Variants in STAG1 observed in about 807,000 individuals in gnomAD.
STAG1 encodes the protein STAG1 cohesin complex component.
STAG1 carries 26 observed loss-of-function variants against 170.9 expected under a neutral mutation model. The ratio of observed to expected loss-of-function variants is 0.15; its 90% CI spans 0.11 to 0.21. The LOEUF is 0.21. Among genes scored for constraint, STAG1 ranks in the 10% least tolerant of loss-of-function variants. The probability of loss-of-function intolerance (pLI) is 1.00; values close to 1 mark genes in which losing one functional copy is unlikely to be tolerated. For synonymous variants in STAG1, 514 were observed against 497.7 expected (o/e 1.03, Z -0.44); for missense variants, 964 against 1,509.5 (o/e 0.64, Z 5.99).
intron 5 of STAG1, among the ~76,000 whole-genome samples, chr3:136,555,128 CAT>C (rs918453021): frequency 1.4e-4 from 20 of 147,268 alleles, no homozygotes; most frequent in Admixed American, 6.8e-5. Context: ...ATATAAATAA[CAT>C]ATATGGAATA....
chr3:136,464,807 T>C (rs2089405249), intron 13 of STAG1, 74 bp downstream of exon 13: 2 of 1,276,022 alleles, frequency 1.6e-6, no homozygotes, highest in Non-Finnish European at 2.2e-6. Flanking sequence ...ACTATTACTC[T>C]CTTCTACAAA....
intron 1 of STAG1, among the ~76,000 whole-genome samples, chr3:136,676,830 C>CT (rs1327700297): frequency 6.6e-6 from 1 of 151,700 alleles, no homozygotes; most frequent in Non-Finnish European, 1.5e-5. Flanking sequence ...ATTTTTTAAA[C>CT]TTTTTTTAAG....
chr3:136,597,745 C>G (rs935890884), intron 4 of STAG1, among the ~76,000 whole-genome samples: 1 of 151,784 alleles, frequency 6.6e-6, no homozygotes, highest in Non-Finnish European at 1.5e-5. Flanking sequence ...TATCCTCTTC[C>G]AATAGGGATA....
intron 1 of STAG1, among the ~76,000 whole-genome samples, chr3:136,691,675 C>CA (rs1271580099): frequency 6.6e-6 from 1 of 152,166 alleles, no homozygotes; most frequent in Non-Finnish European, 1.5e-5. Context: ...AGTCTTGTTT[C>CA]AAGAAATTAG....
At chr3:136,661,078 C>A (rs752650765) in intron 1 of STAG1, among the ~76,000 whole-genome samples, 14 of 152,152 alleles carry the variant, frequency 9.2e-5, no homozygotes, top group Non-Finnish European at 1.2e-4. Flanking sequence ...GTTTTAATGA[C>A]TAAGTGAACA....
intron 4 of STAG1, among the ~76,000 whole-genome samples, chr3:136,576,760 A>G (rs1476362362): frequency 6.6e-6 from 1 of 152,222 alleles, no homozygotes; most frequent in Non-Finnish European, 1.5e-5. Context: ...ATATCTACAT[A>G]GTACAGAGTC....
intron 1 of STAG1, chr3:136,736,780 G>T: frequency 6.3e-7 from 1 of 1,595,690 alleles, no homozygotes. Flanking sequence ...CAGCTTGTTT[G>T]AACAGCTCAG....
chr3:136,686,835 T>C (rs1942547212), intron 1 of STAG1, among the ~76,000 whole-genome samples: 1 of 152,238 alleles, frequency 6.6e-6, no homozygotes, highest in Admixed American at 6.5e-5. Flanking sequence ...CTTGTTCAGC[T>C]ACTTAAGTAA....
chr3:136,523,494 A>C (rs1934808352), intron 6 of STAG1, among the ~76,000 whole-genome samples: 1 of 151,596 alleles, frequency 6.6e-6, no homozygotes, highest in Non-Finnish European at 1.5e-5. Flanking sequence ...AGATTGCAAA[A>C]ATCTTCTCCC....
intron 10 of STAG1, among the ~76,000 whole-genome samples, chr3:136,474,941 AGG>A (rs1268804543): frequency 6.6e-6 from 1 of 152,066 alleles, no homozygotes; most frequent in African/African-American, 2.4e-5. Context: ...GCCCAGGTTG[AGG>A]CCCATAGCCA....
chr3:136,425,709 T>C (rs1405622046), intron 16 of STAG1, among the ~76,000 whole-genome samples: 1 of 150,042 alleles, frequency 6.7e-6, no homozygotes, highest in East Asian at 1.9e-4. Flanking sequence ...TGTATGTATG[T>C]TTATATATAT....
In STAG1 at chr3:136,623,151, G is replaced by T; in HGVS notation, c.127C>A (p.Pro43Thr). The change falls in exon 3 of 34, where the codon CCT becomes ACT. Residue 43 changes from proline (P) to threonine (T), a missense_variant. Coordinates refer to ENST00000383202, the MANE Select transcript of STAG1 (RefSeq NM_005862.3). ...AAGACAAGCATAATACATACTGGAG[G>T]CCGGCCAGGACGACCCCTTTTTCTT... ...GKRKRGRPGR[P>T]PSTNKKPRKS... 1 of 1,613,046 alleles carries T rather than the reference G, an allele frequency of 6.2e-7. No individual in the cohort carries two copies. Among genetic ancestry groups the T allele is most frequent in the Non-Finnish European group, 8.5e-7 (1 of 1,179,336 alleles).
At chr3:136,403,090 TGGTGGCACATG>T (rs2087376914) in intron 21 of STAG1, among the ~76,000 whole-genome samples, 1 of 151,426 alleles carries the variant, frequency 6.6e-6, no homozygotes, top group Non-Finnish European at 1.5e-5. Context: ...TAGCTAAGCA[TGGTGGCACATG>T]CCTGTATTCC....
At chr3:136,527,881 C>T (rs564050311) in intron 6 of STAG1, among the ~76,000 whole-genome samples, 2 of 152,278 alleles carry the variant, frequency 1.3e-5, no homozygotes, top group South Asian at 2.1e-4. Context: ...GTATCAGCAG[C>T]GGATGCTGCA....
chr3:136,540,391 T>C, intron 6 of STAG1, among the ~76,000 whole-genome samples: 1 of 152,104 alleles, frequency 6.6e-6, no homozygotes, highest in East Asian at 1.9e-4. Context: ...TCTCAAATAT[T>C]GCGAGAAAAT....
intron 1 of STAG1, among the ~76,000 whole-genome samples, chr3:136,724,022 G>A (rs1933503208): frequency 6.6e-6 from 1 of 151,098 alleles, no homozygotes; most frequent in African/African-American, 2.4e-5. Flanking sequence ...CGTCCGGGAG[G>A]TGAGGGGCGC....
chr3:136,661,807 C>CTAA (rs1941590085), intron 1 of STAG1, among the ~76,000 whole-genome samples: 1 of 152,140 alleles, frequency 6.6e-6, no homozygotes, highest in Non-Finnish European at 1.5e-5. Context: ...AACTAACATG[C>CTAA]ATTAATTCAT....
At chr3:136,341,680 T>G in intron 30 of STAG1, 129 bp from the exon 31 acceptor site, 1 of 618,356 alleles carries the variant, frequency 1.6e-6, no homozygotes, top group Non-Finnish European at 2.8e-6. Context: ...TTTATTCTGG[T>G]GCCTTTTTAT....
intron 1 of STAG1, among the ~76,000 whole-genome samples, chr3:136,680,750 C>CA (rs1198475780): frequency 6.6e-6 from 1 of 150,786 alleles, no homozygotes; most frequent in Admixed American, 6.6e-5. Flanking sequence ...TTGAATAACA[C>CA]AAAAAAATTA....
Sources: allele counts gnomAD v4.1 joint callset (sites outside exome capture counted in the v4.1 genomes callset), GRCh38; gene constraint gnomAD v4.1.1; transcripts MANE v1.5; gene names NCBI Gene and HGNC (gene_info 2026-07-23, HGNC 2026-07-21).